SNX30: variants seen among roughly 807,000 people sequenced by gnomAD.
SNX30 encodes the protein sorting nexin family member 30.
SNX30 carries 24 observed loss-of-function variants against 46.4 expected under a neutral mutation model. The ratio of observed to expected loss-of-function variants is 0.52; its 90% CI spans 0.37 to 0.73. SNX30 has a LOEUF of 0.73. SNX30 is among the 30% of genes least tolerant of loss of function. The probability of loss-of-function intolerance (pLI) is 0.00; values close to 1 mark genes in which losing one functional copy is unlikely to be tolerated. For synonymous variants in SNX30, 189 were observed against 211.5 expected (o/e 0.89, Z 0.92); for missense variants, 533 against 555.7 (o/e 0.96, Z 0.41).
intron 1 of SNX30, among the ~76,000 whole-genome samples, chr9:112,760,155 A>G (rs1839413976): frequency 6.6e-6 from 1 of 152,224 alleles, no homozygotes; most frequent in Admixed American, 6.5e-5. Context: ...AGAGAGTAGC[A>G]GTAGCAGGAA....
At chr9:112,847,984 G>A (rs886344533) in intron 6 of SNX30, among the ~76,000 whole-genome samples, 2 of 152,130 alleles carry the variant, frequency 1.3e-5, no homozygotes, top group Non-Finnish European at 1.5e-5. Context: ...TTTGTGATTT[G>A]TTCTCTGCTG....
intron 1 of SNX30, among the ~76,000 whole-genome samples, chr9:112,804,411 T>A (rs2096185): frequency 6.6e-6 from 1 of 152,080 alleles, no homozygotes; most frequent in Non-Finnish European, 1.5e-5. Flanking sequence ...GTGAGCCACC[T>A]GTCTCGGCCT....
intron 6 of SNX30, among the ~76,000 whole-genome samples, chr9:112,844,899 AGTTGGTGCTTTAG>A (rs1840916980): frequency 6.6e-6 from 1 of 152,212 alleles, no homozygotes; most frequent in Non-Finnish European, 1.5e-5. Flanking sequence ...GAACGCGAAC[AGTTGGTGCTTTAG>A]GTTGGCCATT....
chr9:112,857,405 T>C (rs1159311296), intron 7 of SNX30, among the ~76,000 whole-genome samples: 1 of 152,184 alleles, frequency 6.6e-6, no homozygotes, highest in African/African-American at 2.4e-5. Context: ...GAAAACGCAG[T>C]TGCTGGAAGC....
chr9:112,810,046 T>C (rs1840295798), intron 2 of SNX30, among the ~76,000 whole-genome samples: 1 of 152,036 alleles, frequency 6.6e-6, no homozygotes, highest in African/African-American at 2.4e-5. Context: ...TTTTCCATTG[T>C]TTGTGGAGAA....
intron 1 of SNX30, among the ~76,000 whole-genome samples, 198 bp downstream of exon 1, chr9:112,751,355 G>T (rs1354691998): frequency 6.6e-6 from 1 of 152,220 alleles, no homozygotes; most frequent in Non-Finnish European, 1.5e-5. Context: ...AGAGGGACAG[G>T]CTTCGCTGCC....
intron 1 of SNX30, among the ~76,000 whole-genome samples, chr9:112,787,127 C>T (rs1839942196): frequency 1.3e-5 from 2 of 152,144 alleles, no homozygotes; most frequent in South Asian, 4.1e-4. Context: ...TAGCACACTT[C>T]AGGATTCTAA....
At chr9:112,798,120 T>C (rs1222363717) in intron 1 of SNX30, among the ~76,000 whole-genome samples, 1 of 60,646 alleles carries the variant, frequency 1.6e-5, no homozygotes, top group African/African-American at 5.7e-5. Context: ...TTTTTTTTTT[T>C]CTTTTTTTTT....
At chr9:112,876,933 A>AC (rs1841524891), downstream of SNX30, among the ~76,000 whole-genome samples, 1 of 149,508 alleles carries the variant, frequency 6.7e-6, no homozygotes, top group Non-Finnish European at 1.5e-5. Flanking sequence ...AAGACTGTCA[A>AC]AAAAAAAAAA....
In SNX30 at chr9:112,758,726, AGT is replaced by A. The variant is rs576077210; in HGVS notation, c.156+7571_156+7572del. Among the ~76,000 whole-genome samples, 210 of 152,244 alleles carry A rather than the reference AGT, an allele frequency of 1.4e-3. 1 individual carries two copies. The highest frequency in any genetic ancestry group is 4.7e-3 in the African/African-American group (197 of 41,550). Reference sequence around the variant, plus strand: ...GCTCTGATTTTTAAAACACAGAAAGAGTGGCTGGGCGTGGTGGCTCTTGCCTG... The same window carrying A: ...GCTCTGATTTTTAAAACACAGAAAGAGGCTGGGCGTGGTGGCTCTTGCCTG... On this transcript the variant is annotated intron_variant, in intron 1 of 8. Transcript: ENST00000374232.
chr9:112,865,474 C>T (rs1385918572), intron 8 of SNX30, among the ~76,000 whole-genome samples: 1 of 151,444 alleles, frequency 6.6e-6, no homozygotes, highest in East Asian at 2.0e-4. Context: ...CAAAATGAGC[C>T]AGGTGTGGTG....
intron 1 of SNX30, among the ~76,000 whole-genome samples, chr9:112,757,866 A>G (rs1383515513): frequency 4.6e-5 from 7 of 152,082 alleles, no homozygotes; most frequent in Non-Finnish European, 2.9e-5. Context: ...TCTTTCATCT[A>G]CAACCAGGGT....
At chr9:112,868,159 C>T (rs888651402) in intron 8 of SNX30, among the ~76,000 whole-genome samples, 1 of 152,188 alleles carries the variant, frequency 6.6e-6, no homozygotes. Context: ...TAATAATTCT[C>T]CTTCATAGAG....
At chr9:112,807,722 C>A (rs548471762) in intron 2 of SNX30, among the ~76,000 whole-genome samples, 3 of 152,296 alleles carry the variant, frequency 2.0e-5, no homozygotes, top group South Asian at 4.1e-4. Flanking sequence ...GATTTTTCTG[C>A]CCCAAAATGC....
intron 7 of SNX30, among the ~76,000 whole-genome samples, chr9:112,858,843 A>G (rs1276825992): frequency 2.6e-5 from 4 of 151,892 alleles, no homozygotes; most frequent in African/African-American, 9.7e-5. Flanking sequence ...TATTAACCCT[A>G]CACATGCTGG....
chr9:112,778,357 A>T (rs1480800704), intron 1 of SNX30, among the ~76,000 whole-genome samples: 2 of 140,924 alleles, frequency 1.4e-5, no homozygotes, highest in African/African-American at 5.3e-5. Context: ...ACTGCAACCT[A>T]CGCCTCCCGG....
chr9:112,828,639 C>G (rs766176281), intron 3 of SNX30, among the ~76,000 whole-genome samples: 9 of 152,278 alleles, frequency 5.9e-5, no homozygotes, highest in African/African-American at 2.2e-4. Flanking sequence ...GAGATCTGAT[C>G]AGGGATCCGT....
chr9:112,874,402 G>T lies in SNX30; in HGVS notation c.*5559G>T, dbSNP rs1463267395. 6.6e-6 allele frequency: 1 copy of T among 152,184 alleles called. No individual in the cohort carries two copies. The highest frequency in any genetic ancestry group is 1.9e-4 in the East Asian group (1 of 5,198). The allele number at this position is 152,184 out of a possible 1,614,324, so 9.4% of individuals were successfully genotyped here. On this transcript the variant is annotated 3_prime_UTR_variant, in exon 9 of 9. Coordinates refer to ENST00000374232, the MANE Select transcript of SNX30 (RefSeq NM_001012994.2). ...CTGATATATTCCTGTGAAATAAACT[G>T]CCAGCAAACTTTCTAACTTGTATTT...
At chr9:112,866,797 C>T (rs1841352041) in intron 8 of SNX30, among the ~76,000 whole-genome samples, 5 of 142,806 alleles carry the variant, frequency 3.5e-5, no homozygotes, top group African/African-American at 5.2e-5. Context: ...AGAATTCCTC[C>T]CCCTCCTCAG....
Sources: gnomAD v4.1 joint callset for allele counts (sites outside exome capture counted in the v4.1 genomes callset) on GRCh38, gnomAD v4.1.1 for gene constraint, MANE v1.5 for transcripts, NCBI Gene and HGNC (gene_info 2026-07-23, HGNC 2026-07-21) for gene names.